The following NCOA2 variants were observed in gnomAD, a reference collection of about 807,000 sequenced individuals.
The protein encoded by NCOA2 is nuclear receptor coactivator 2, also known as class E basic helix-loop-helix protein 75.
A neutral mutation model predicts 145.1 loss-of-function variants in NCOA2; 21 were observed. The observed-to-expected ratio is 0.14, with a 90% confidence interval of 0.10 to 0.21. NCOA2 has a LOEUF of 0.21. Among genes scored for constraint, NCOA2 ranks in the 10% least tolerant of loss-of-function variants. The pLI is 1.00. For synonymous variants in NCOA2, 619 were observed against 637.5 expected (o/e 0.97, Z 0.44); for missense variants, 1,472 against 1,837.6 (o/e 0.80, Z 3.64).
rs1437313202 is a variant in NCOA2 at position 70,192,403 on chromosome 8, G to A, written c.260-17544C>T. Among the ~76,000 whole-genome samples, 5 of 152,326 alleles carry A rather than the reference G, an allele frequency of 3.3e-5. No individual in the cohort carries two copies. In the East Asian group the frequency reaches 9.7e-4, roughly 29 times the overall value. On this transcript the variant is annotated intron_variant, in intron 4 of 22. Coordinates refer to ENST00000452400, the MANE Select transcript of NCOA2 (RefSeq NM_006540.4). ...CAGGTGACTTATAAAGTAAAGGAAG[G>A]AACTTTGCCAGAGTCTTAGAAGAGT... is the stretch of plus-strand genomic sequence containing the variant.
chr8:70,171,104 A>C (rs1814199714), intron 5 of NCOA2, among the ~76,000 whole-genome samples: 1 of 152,194 alleles, frequency 6.6e-6, no homozygotes, highest in South Asian at 2.1e-4. Context: ...AAATTACCCA[A>C]ATAACAGTAG....
the NCOA2 span, among the ~76,000 whole-genome samples, chr8:70,441,229 AAGAAAGAAAGAGGAAAG>A: frequency 4.0e-5 from 6 of 150,598 alleles, no homozygotes; most frequent in East Asian, 2.0e-4. Flanking sequence ...AGGAAGAAGA[AAGAAAGAAAGAGGAAAG>A]AGAAAGAAAG....
chr8:70,268,512 T>C (rs899167700), intron 2 of NCOA2, among the ~76,000 whole-genome samples: 2 of 152,194 alleles, frequency 1.3e-5, no homozygotes, highest in Admixed American at 6.5e-5. Flanking sequence ...TCCCTTTATT[T>C]TTCTTTCTAA....
chr8:70,209,089 A>G (rs895733315), intron 4 of NCOA2, among the ~76,000 whole-genome samples: 1 of 152,230 alleles, frequency 6.6e-6, no homozygotes, highest in Admixed American at 6.5e-5. Flanking sequence ...GGAGGTCAAA[A>G]TATCAACATT....
chr8:70,290,439 C>T (rs1420540021), intron 2 of NCOA2, among the ~76,000 whole-genome samples: 2 of 152,124 alleles, frequency 1.3e-5, no homozygotes, highest in African/African-American at 4.8e-5. Context: ...CCGCCTGCCT[C>T]GGCCTCTCAA....
At chr8:70,344,073 C>T (rs1808383744) in intron 1 of NCOA2, among the ~76,000 whole-genome samples, 1 of 152,098 alleles carries the variant, frequency 6.6e-6, no homozygotes, top group Non-Finnish European at 1.5e-5. Context: ...CCTTTTAAAC[C>T]CGTGTATTCT....
At chr8:70,364,833 T>G (rs201237336) in intron 1 of NCOA2, among the ~76,000 whole-genome samples, 15,533 of 150,684 alleles carry the variant, frequency 0.1, 1,227 homozygotes, top group East Asian at 0.4. Flanking sequence ...AGGTTTGTTT[T>G]TTTTTTTTTT....
intron 1 of NCOA2, among the ~76,000 whole-genome samples, chr8:70,340,926 T>C (rs555835280): frequency 6.6e-6 from 1 of 152,162 alleles, no homozygotes; most frequent in South Asian, 2.1e-4. Flanking sequence ...CTGGGGCCTG[T>C]TGGGGGTAGC....
chr8:70,213,802 T>C (rs1390687129), intron 4 of NCOA2, 101 bp downstream of exon 4: 2 of 941,720 alleles, frequency 2.1e-6, no homozygotes, highest in Non-Finnish European at 3.1e-6. Flanking sequence ...ATCAATAATT[T>C]AAGCATAAGA....
chr8:70,314,782 GT>G (rs1365559199), intron 1 of NCOA2, among the ~76,000 whole-genome samples: 3 of 152,298 alleles, frequency 2.0e-5, no homozygotes, highest in African/African-American at 7.2e-5. Flanking sequence ...GTCTTTCTCA[GT>G]TATATAATGA....
At chr8:70,288,593 A>C (rs1445408009) in intron 2 of NCOA2, among the ~76,000 whole-genome samples, 5 of 148,186 alleles carry the variant, frequency 3.4e-5, no homozygotes, top group African/African-American at 1.2e-4. Flanking sequence ...AACAAAAACA[A>C]AAAAAAAAAA....
rs533384870 is a variant in NCOA2 at position 70,110,958 on chromosome 8, C to G, written c.*2674G>C. On this transcript the variant is annotated 3_prime_UTR_variant, in exon 23 of 23. Coordinates refer to ENST00000452400, the MANE Select transcript of NCOA2 (RefSeq NM_006540.4). ...ATTAAACAAAAACCAAGTACTCAGT[C>G]TAACAAATTTATTGTGTACAGCATG... 6 of 222,610 alleles carry G rather than the reference C, an allele frequency of 2.7e-5. No individual in the cohort carries two copies. Among genetic ancestry groups the G allele is most frequent in the Non-Finnish European group, 9.0e-6 (1 of 111,418 alleles). 13.8% of individuals were successfully genotyped at this position (222,610 alleles called of 1,614,324 possible). A position where few individuals can be genotyped will look rare whatever the true frequency, so the allele number is the denominator to read the frequency against.
chr8:70,345,946 A>G (rs1206388060), intron 1 of NCOA2, among the ~76,000 whole-genome samples: 1 of 152,144 alleles, frequency 6.6e-6, no homozygotes, highest in Non-Finnish European at 1.5e-5. Flanking sequence ...TCCAAACACA[A>G]TGAATGGTTG....
chr8:70,288,006 C>T (rs1248018166), intron 2 of NCOA2, among the ~76,000 whole-genome samples: 1 of 152,128 alleles, frequency 6.6e-6, no homozygotes, highest in Non-Finnish European at 1.5e-5. Context: ...GGGCTGGATT[C>T]CCAATTTGGC....
chr8:70,117,352 C>T (rs1236890169), intron 22 of NCOA2, among the ~76,000 whole-genome samples: 1 of 152,230 alleles, frequency 6.6e-6, no homozygotes, highest in Admixed American at 6.5e-5. Context: ...CCTTAAATAC[C>T]TACGAAGGGC....
rs150911442 is a variant in NCOA2, at chr8:70,113,524, C to T, written c.*108G>A. On this transcript the variant is annotated 3_prime_UTR_variant, in exon 23 of 23. Transcript: ENST00000452400. ...CCAGGCCTGTCTGCTCTAGCAGAAC[C>T]GGCTGGCAGGTCAGTTGGGTTGAAA... 95 of 1,312,582 alleles carry T rather than the reference C, an allele frequency of 7.2e-5. No homozygotes were observed. The African/African-American group carries it at 1.1e-3, about 15-fold the overall frequency. 81.3% of individuals were successfully genotyped at this position (1,312,582 alleles called of 1,614,324 possible).
At chr8:70,161,316 C>T (rs775640018) in intron 9 of NCOA2, among the ~76,000 whole-genome samples, 1 of 152,148 alleles carries the variant, frequency 6.6e-6, no homozygotes, top group Non-Finnish European at 1.5e-5. Context: ...TTGCTTATGC[C>T]AGTTTCTTAG....
intron 1 of NCOA2, chr8:70,357,215 A>C (rs1041968775): frequency 1.3e-5 from 2 of 152,152 alleles, no homozygotes; most frequent in Non-Finnish European, 2.9e-5. Context: ...TTGTGTCTCT[A>C]TATGCCAGCA....
chr8:70,216,405 T>C (rs540327588), intron 3 of NCOA2, among the ~76,000 whole-genome samples: 37 of 144,178 alleles, frequency 2.6e-4, no homozygotes, highest in Admixed American at 8.0e-4. Flanking sequence ...TCAAACTCAA[T>C]ATTATTAAAT....
Sources: allele counts gnomAD v4.1 joint callset (sites outside exome capture counted in the v4.1 genomes callset), GRCh38; gene constraint gnomAD v4.1.1; transcripts MANE v1.5; gene names NCBI Gene and HGNC (gene_info 2026-07-23, HGNC 2026-07-21).